Variants in ADGB observed in about 807,000 individuals in gnomAD.
ADGB encodes the protein androglobin.
A neutral mutation model predicts 210.5 loss-of-function variants in ADGB; 172 were observed. That is an observed-to-expected ratio of 0.82 (90% CI 0.72 to 0.93). ADGB has a LOEUF of 0.93. ADGB is among the 40% of genes least tolerant of loss of function. The pLI is 0.00. For missense variants in ADGB, 2,025 were observed against 1,964.8 expected, an observed-to-expected ratio of 1.03 and a Z score of -0.58; for synonymous variants, 658 against 662.7, an observed-to-expected ratio of 0.99 and a Z score of 0.11.
rs141850440 is a variant in ADGB, at chr6:146,671,412, A to AT, written c.840-808_840-807insT. Among the ~76,000 whole-genome samples the AT allele has an allele frequency of 5.3e-3, 804 of 152,282 alleles. 7 individuals are homozygous for AT. Among genetic ancestry groups the AT allele is most frequent in the African/African-American group, 0.018 (748 of 41,578 alleles). On this transcript the variant is annotated intron_variant, in intron 7 of 35. Coordinates refer to ENST00000397944, the MANE Select transcript of ADGB (RefSeq NM_024694.4). Reference sequence around the variant, plus strand: ...CCAACGGACACTGTGTTTTATTTGAAGGGGATTTTAAAGAGAGAGTCTTGG... The same window carrying AT: ...CCAACGGACACTGTGTTTTATTTGAATGGGGATTTTAAAGAGAGAGTCTTGG...
intron 1 of ADGB, among the ~76,000 whole-genome samples, chr6:146,624,138 G>A (rs1412329036): frequency 6.6e-6 from 1 of 151,662 alleles, no homozygotes; most frequent in Non-Finnish European, 1.5e-5. Context: ...TATGTTAGTG[G>A]AGAATTGGTG....
intron 3 of ADGB, among the ~76,000 whole-genome samples, chr6:146,650,878 A>G (rs571752012): frequency 2.6e-5 from 4 of 152,278 alleles, no homozygotes; most frequent in African/African-American, 9.6e-5. Flanking sequence ...CCTTGTCTCA[A>G]ATGCTGACAG....
At chr6:146,733,764 T>G in intron 21 of ADGB, 129 bp from the exon 22 acceptor site, 1 of 1,024,368 alleles carries the variant, frequency 9.8e-7, no homozygotes, top group Non-Finnish European at 1.4e-6. Flanking sequence ...GCCGGCAATA[T>G]TAAATATGAT....
chr6:146,725,950 A>C (rs1438350115), intron 18 of ADGB, 133 bp from the exon 19 acceptor site: 1 of 557,336 alleles, frequency 1.8e-6, no homozygotes, highest in Non-Finnish European at 3.3e-6. Flanking sequence ...TCCTTATCTC[A>C]TCTGTGTTAA....
chr6:146,728,159 A>T (rs1776924651), intron 19 of ADGB, among the ~76,000 whole-genome samples: 1 of 152,020 alleles, frequency 6.6e-6, no homozygotes, highest in South Asian at 2.1e-4. Context: ...TTTTTTTAAG[A>T]GTTGATAGCA....
intron 9 of ADGB, among the ~76,000 whole-genome samples, chr6:146,677,336 T>C (rs1289571497): frequency 1.3e-5 from 2 of 152,150 alleles, no homozygotes; most frequent in Non-Finnish European, 2.9e-5. Flanking sequence ...ACCTCATCCT[T>C]TATTAGCTAG....
chr6:146,760,916 C>T (rs1413564056), intron 27 of ADGB, among the ~76,000 whole-genome samples: 1 of 151,872 alleles, frequency 6.6e-6, no homozygotes, highest in Admixed American at 6.6e-5. Flanking sequence ...AGGATTTATT[C>T]ACACATTACA....
At chr6:146,638,906 G>GC (rs1398707300) in intron 2 of ADGB, 27 of 63,798 alleles carry the variant, frequency 4.2e-4, no homozygotes, top group African/African-American at 1.3e-3. Flanking sequence ...ATCACCTTCT[G>GC]CAAAAAAAAA....
intron 13 of ADGB, among the ~76,000 whole-genome samples, chr6:146,709,135 T>C (rs1229677791): frequency 6.6e-6 from 1 of 152,242 alleles, no homozygotes; most frequent in African/African-American, 2.4e-5. Context: ...TAGCACTTAA[T>C]TGTGTTTTGC....
chr6:146,696,445 C>T (rs1776404144), intron 12 of ADGB, among the ~76,000 whole-genome samples: 1 of 151,574 alleles, frequency 6.6e-6, no homozygotes, highest in African/African-American at 2.4e-5. Context: ...TCTTTAGCAT[C>T]ATAAAACTTA....
At chr6:146,771,383 A>C (rs1033920198) in intron 29 of ADGB, among the ~76,000 whole-genome samples, 1 of 152,230 alleles carries the variant, frequency 6.6e-6, no homozygotes, top group South Asian at 2.1e-4. Flanking sequence ...AATAAATGAA[A>C]AAAAAAAATC....
intron 9 of ADGB, among the ~76,000 whole-genome samples, chr6:146,678,144 G>A (rs1169516915): frequency 6.6e-6 from 1 of 152,124 alleles, no homozygotes; most frequent in African/African-American, 2.4e-5. Flanking sequence ...GGAGATAATG[G>A]ATAGACAGTA....
At chr6:146,602,856 T>C (rs543747540) in intron 1 of ADGB, among the ~76,000 whole-genome samples, 1 of 152,312 alleles carries the variant, frequency 6.6e-6, no homozygotes, top group Admixed American at 6.5e-5. Flanking sequence ...ATCTAGGTTG[T>C]GTGATCTTTA....
At chr6:146,768,544 C>T (rs1052057467) in intron 28 of ADGB, among the ~76,000 whole-genome samples, 1 of 152,048 alleles carries the variant, frequency 6.6e-6, no homozygotes, top group Non-Finnish European at 1.5e-5. Context: ...AGAAATAAAA[C>T]TAGATCACTA....
chr6:146,773,983 A>T (rs1777689156), intron 29 of ADGB, among the ~76,000 whole-genome samples: 1 of 152,196 alleles, frequency 6.6e-6, no homozygotes. Flanking sequence ...GCTCTCAGTC[A>T]CACAGCTAGT....
chr6:146,780,413 T>A (rs1442426586), intron 29 of ADGB, among the ~76,000 whole-genome samples: 1 of 152,174 alleles, frequency 6.6e-6, no homozygotes, highest in Non-Finnish European at 1.5e-5. Flanking sequence ...AATGGCTGAA[T>A]GGCCAACAAA....
At chr6:146,774,640 T>C (rs1777696080) in intron 29 of ADGB, among the ~76,000 whole-genome samples, 1 of 152,232 alleles carries the variant, frequency 6.6e-6, no homozygotes, top group Non-Finnish European at 1.5e-5. Flanking sequence ...ATGTCATGTT[T>C]ATAAATATTT....
intron 1 of ADGB, among the ~76,000 whole-genome samples, chr6:146,634,166 T>C (rs1326910427): frequency 1.3e-5 from 2 of 152,150 alleles, no homozygotes; most frequent in East Asian, 1.9e-4. Context: ...GTAACAGCTG[T>C]ACAGGTTTAT....
At chr6:146,682,604 G>C (rs1237585813) in intron 9 of ADGB, among the ~76,000 whole-genome samples, 2 of 152,068 alleles carry the variant, frequency 1.3e-5, no homozygotes, top group South Asian at 2.1e-4. Context: ...TTCATGGTCT[G>C]TACCATTCAT....
Sources: allele counts gnomAD v4.1 joint callset (sites outside exome capture counted in the v4.1 genomes callset), GRCh38; gene constraint gnomAD v4.1.1; transcripts MANE v1.5; gene names NCBI Gene and HGNC (gene_info 2026-07-23, HGNC 2026-07-21).